The following ALKBH1 variants were observed in gnomAD, a reference collection of about 807,000 sequenced individuals.
ALKBH1 encodes the protein nucleic acid dioxygenase ALKBH1.
A neutral mutation model predicts 36.6 loss-of-function variants in ALKBH1; 31 were observed. The observed-to-expected ratio is 0.85, with a 90% CI of 0.64 to 1.14. The LOEUF is 1.14. ALKBH1 is among the 50% of genes most tolerant of loss of function. The pLI is 0.00. For missense variants in ALKBH1, 490 were observed against 497.3 expected (o/e 0.99, Z 0.14); for synonymous variants, 183 against 186.6 (o/e 0.98, Z 0.16).
rs1480395835 is a variant in ALKBH1 at position 77,672,738 on chromosome 14, C to T, written c.*1074G>A. The stretch of plus-strand genomic sequence containing the variant: ...ATTTTATGATGAGGAAACCGAGGTC[C>T]AGAGAAATGTAAAGTAACCTGGACC... On this transcript the variant is annotated 3_prime_UTR_variant, in exon 6 of 6. Coordinates refer to ENST00000216489, the MANE Select transcript of ALKBH1 (RefSeq NM_006020.3). The T allele has an allele frequency of 6.6e-6, 1 of 152,144 alleles. No individual in the cohort carries two copies. Among genetic ancestry groups the T allele is most frequent in the African/African-American group, 2.4e-5 (1 of 41,440 alleles). The allele number at this position is 152,144 out of a possible 1,614,324, so 9.4% of individuals were successfully genotyped here. A position where few individuals can be genotyped will look rare whatever the true frequency, so the allele number is the denominator to read the frequency against.
At chr14:77,686,029 C>T (rs1342017989) in intron 3 of ALKBH1, among the ~76,000 whole-genome samples, 2 of 152,130 alleles carry the variant, frequency 1.3e-5, no homozygotes, top group African/African-American at 4.8e-5. Flanking sequence ...CAATTCTTGC[C>T]TTTGTATTTT....
chr14:77,686,585 G>C (rs1366535800), intron 3 of ALKBH1, among the ~76,000 whole-genome samples: 1 of 152,110 alleles, frequency 6.6e-6, no homozygotes, highest in East Asian at 1.9e-4. Context: ...TTTATGTCAT[G>C]GGTAAGCGCC....
intron 3 of ALKBH1, among the ~76,000 whole-genome samples, chr14:77,680,406 G>A (rs1308497869): frequency 6.6e-6 from 1 of 152,092 alleles, no homozygotes; most frequent in African/African-American, 2.4e-5. Flanking sequence ...TCTATAATGA[G>A]GGTGGCTTCC....
Position 77,675,271 on chromosome 14 carries a change from A to T in ALKBH1, c.740+385T>A, listed in dbSNP as rs141369275. Reference sequence around the variant, plus strand: ...AACACGATGAAACCCCATCTCTACTAAAAAAAAAAAAAATTAGCTGGGTGT... The same window carrying T: ...AACACGATGAAACCCCATCTCTACTTAAAAAAAAAAAAATTAGCTGGGTGT... On this transcript the variant is annotated intron_variant, in intron 5 of 5. Coordinates refer to ENST00000216489, the MANE Select transcript of ALKBH1 (RefSeq NM_006020.3). Among the ~76,000 whole-genome samples the T allele has an allele frequency of 8.1e-3, 1,163 of 143,740 alleles. 11 individuals carry two copies. The highest frequency in any genetic ancestry group is 0.028 in the African/African-American group (1,119 of 39,704). The allele number at this position is 143,740 out of a possible 152,430, so 94.3% of individuals were successfully genotyped here. A position where few individuals can be genotyped will look rare whatever the true frequency, so the allele number is the denominator to read the frequency against.
intron 3 of ALKBH1, chr14:77,691,997 T>A (rs2080299675): frequency 6.6e-6 from 1 of 152,154 alleles, no homozygotes; most frequent in African/African-American, 2.4e-5. Flanking sequence ...AGACCAAGGT[T>A]TAAAAAAAAC....
Position 77,706,036 on chromosome 14 carries a change from C to A in ALKBH1, c.184-1559G>T, listed in dbSNP as rs983490325. Among the ~76,000 whole-genome samples the A allele has an allele frequency of 3.9e-5, 6 of 152,124 alleles. No homozygotes were observed. The South Asian group carries it at 1.2e-3, about 32-fold the overall frequency. Reference sequence around the variant, plus strand: ...CGCCACTGCACTTCAGCCTGGGTGACACAGTGAGACGCTGTCTCAGTAAAA... The same window carrying A: ...CGCCACTGCACTTCAGCCTGGGTGAAACAGTGAGACGCTGTCTCAGTAAAA... On this transcript the variant is annotated intron_variant, in intron 1 of 5. Coordinates refer to ENST00000216489, the MANE Select transcript of ALKBH1 (RefSeq NM_006020.3).
intron 2 of ALKBH1, among the ~76,000 whole-genome samples, chr14:77,699,817 A>AG (rs2080348834): frequency 6.6e-6 from 1 of 152,148 alleles, no homozygotes; most frequent in Non-Finnish European, 1.5e-5. Context: ...GCACTTTGGG[A>AG]GGCAAGGAGG....
chr14:77,701,986 G>A (rs1336669899), intron 2 of ALKBH1, among the ~76,000 whole-genome samples: 1 of 152,162 alleles, frequency 6.6e-6, no homozygotes, highest in South Asian at 2.1e-4. Flanking sequence ...TAGAGCAACA[G>A]AGAATCATGG....
At position 77,707,952 on chromosome 14, in the gene ALKBH1, G is replaced by A. The variant is rs1378332996; in HGVS notation, c.53C>T (p.Pro18Leu). Reference protein sequence around the residue: ...VGSVATLATEPGEDAFRKLFR... With the variant: ...VGSVATLATELGEDAFRKLFR... ...AAGTTTCCGAAAGGCGTCCTCCCCGGGCTCAGTCGCCAGAGTCGCCACAGA... is the reference window on the plus strand; with the variant it reads ...AAGTTTCCGAAAGGCGTCCTCCCCGAGCTCAGTCGCCAGAGTCGCCACAGA... The change falls in exon 1 of 6, where the codon CCC becomes CTC. Residue 18 changes from proline to leucine, a missense_variant. Pro to Leu is a moderately conservative substitution (Grantham distance 98, BLOSUM62 -3). Coordinates refer to ENST00000216489, the MANE Select transcript of ALKBH1 (RefSeq NM_006020.3). The A allele has an allele frequency of 1.2e-6, 2 of 1,613,136 alleles. No individual in the cohort carries two copies. The highest frequency in any genetic ancestry group is 2.2e-5 in the East Asian group (1 of 44,894).
chr14:77,706,668 A>C (rs2080393332), intron 1 of ALKBH1, among the ~76,000 whole-genome samples: 1 of 152,214 alleles, frequency 6.6e-6, no homozygotes, highest in African/African-American at 2.4e-5. Context: ...ACATTCTAAA[A>C]AGCATGTACA....
Position 77,694,895 on chromosome 14 carries a change from T to C in ALKBH1, c.298A>G (p.Ile100Val). Residue 100 changes from isoleucine (I) to valine (V), a missense_variant, in exon 3 of 6, where the codon ATT becomes GTT. By Grantham distance (29) the Ile-to-Val change is conservative. Transcript: ENST00000216489. ...GGGAGGAAGGGGTTTGGGATAAAAA[T>C]AAACCCTATACAAAAGATGGGTGGG... ...AYGLKGYPGFIFIPNPFLPGY... is the reference protein window; with the variant it reads ...AYGLKGYPGFVFIPNPFLPGY... 2 of 1,539,010 alleles carry C rather than the reference T, an allele frequency of 1.3e-6. No individual in the cohort carries two copies. Among genetic ancestry groups the C allele is most frequent in the East Asian group, 2.3e-5 (1 of 42,634 alleles).
intron 2 of ALKBH1, among the ~76,000 whole-genome samples, chr14:77,701,181 T>C (rs1165761790): frequency 2.0e-5 from 3 of 152,170 alleles, no homozygotes; most frequent in Non-Finnish European, 4.4e-5. Flanking sequence ...TAATTTTCAG[T>C]CATTGGTCTT....
chr14:77,695,913 G>C (rs546317945), intron 2 of ALKBH1, among the ~76,000 whole-genome samples: 1 of 152,090 alleles, frequency 6.6e-6, no homozygotes, highest in African/African-American at 2.4e-5. Flanking sequence ...TCGCCAACAT[G>C]GTGAAACCGT....
At chr14:77,674,670 A>G (rs2080195436) in intron 5 of ALKBH1, among the ~76,000 whole-genome samples, 2 of 152,136 alleles carry the variant, frequency 1.3e-5, no homozygotes, top group Non-Finnish European at 2.9e-5. Context: ...CTTGTGCCTC[A>G]GCCTCCAGAG....
chr14:77,705,411 G>GAAAAAAA, intron 1 of ALKBH1, among the ~76,000 whole-genome samples: 1 of 113,394 alleles, frequency 8.8e-6, no homozygotes, highest in Non-Finnish European at 1.8e-5. Context: ...CTCCGTCTAA[G>GAAAAAAA]AAAAAAAAAA....
chr14:77,680,505 C>T (rs1028132651), intron 3 of ALKBH1, among the ~76,000 whole-genome samples: 5 of 152,008 alleles, frequency 3.3e-5, no homozygotes, highest in African/African-American at 4.8e-5. Flanking sequence ...ACTTCTTTAA[C>T]TCTGTATAAC....
At chr14:77,692,602 T>C (rs79133654) in intron 3 of ALKBH1, among the ~76,000 whole-genome samples, 18,767 of 152,098 alleles carry the variant, frequency 0.12, 1,496 homozygotes, top group African/African-American at 0.22. Flanking sequence ...TGCCCCATGA[T>C]TGGGGACCCC....
chr14:77,675,136 T>G (rs1218870176), intron 5 of ALKBH1, among the ~76,000 whole-genome samples: 1 of 152,060 alleles, frequency 6.6e-6, no homozygotes, highest in African/African-American at 2.4e-5. Flanking sequence ...CCTTTCATTA[T>G]AAAAGGTAGG....
chr14:77,707,852 T>G lies in ALKBH1; in HGVS notation c.153A>C (p.Ala51=). 1 of 1,611,818 alleles carries G rather than the reference T, an allele frequency of 6.2e-7. No individual in the cohort carries two copies. The highest frequency in any genetic ancestry group is 8.5e-7 in the Non-Finnish European group (1 of 1,178,876). ...GGGCACCAGGACCCTTGCCACGGGC[T>G]GCGTGGGCCGCCGAGAAGTCGATGA... ...EGVIDFSAAH[A]ARGKGPGAQK... is the part of the protein sequence containing the mutation. Residue 51 remains alanine, a synonymous_variant, in exon 1 of 6, where the codon GCA becomes GCC. Transcript: ENST00000216489.
Sources: gnomAD v4.1 joint callset for allele counts (sites outside exome capture counted in the v4.1 genomes callset) on GRCh38, gnomAD v4.1.1 for gene constraint, MANE v1.5 for transcripts, NCBI Gene and HGNC (gene_info 2026-07-23, HGNC 2026-07-21) for gene names.